Variants in DARS1 observed in about 807,000 individuals in gnomAD.
DARS1 encodes the protein aspartate--tRNA ligase, cytoplasmic.
Under a neutral mutation model 68.8 loss-of-function variants are expected in DARS1, and 51 were observed. The observed-to-expected ratio is 0.74, with a 90% CI of 0.59 to 0.94. The LOEUF is 0.94. DARS1 is among the 40% of genes least tolerant of loss of function. The probability of loss-of-function intolerance (pLI) is 0.00; values close to 1 mark genes in which losing one functional copy is unlikely to be tolerated. For synonymous variants in DARS1, 203 were observed against 190.4 expected (o/e 1.07, Z -0.55); for missense variants, 607 against 597.3 (o/e 1.02, Z -0.17).
At chr2:135,936,076 T>C (rs1324743159) in intron 5 of DARS1, among the ~76,000 whole-genome samples, 1 of 152,194 alleles carries the variant, frequency 6.6e-6, no homozygotes, top group Non-Finnish European at 1.5e-5. Context: ...TCCTCTTTAC[T>C]AGACCATGAG....
chr2:135,955,673 C>CTTTTTTTT lies in DARS1; in HGVS notation c.320+5715_320+5722dup, dbSNP rs75123258. On this transcript the variant is annotated intron_variant, in intron 4 of 15. Transcript: ENST00000264161. Reference sequence around the variant, plus strand: ...ACCACCACCTTTTGAAAATAAAAATCTTTTTTTTTTTTTTTTTTTTTTTTT... The same window carrying CTTTTTTTT: ...ACCACCACCTTTTGAAAATAAAAATCTTTTTTTTTTTTTTTTTTTTTTTTTTTTTTTTT... 1.6e-4 allele frequency among the ~76,000 whole-genome samples: 10 copies of CTTTTTTTT among 61,334 alleles called. 1 individual carries two copies. Among genetic ancestry groups the CTTTTTTTT allele is most frequent in the East Asian group, 8.7e-4 (1 of 1,150 alleles). The allele number at this position is 61,334 out of a possible 152,430, so 40.2% of individuals were successfully genotyped here.
intron 3 of DARS1, among the ~76,000 whole-genome samples, chr2:135,978,137 T>G (rs1167429794): frequency 1.0e-5 from 1 of 97,734 alleles, no homozygotes; most frequent in Non-Finnish European, 1.9e-5. Flanking sequence ...AGCAAGACTC[T>G]GTCTCAAAAA....
intron 4 of DARS1, among the ~76,000 whole-genome samples, chr2:135,961,138 G>A (rs1341326034): frequency 6.6e-6 from 1 of 152,148 alleles, no homozygotes; most frequent in Non-Finnish European, 1.5e-5. Context: ...CAGGCTTTTT[G>A]TTACTCTACT....
At chr2:135,944,021 T>C (rs1435991976) in intron 4 of DARS1, among the ~76,000 whole-genome samples, 1 of 152,142 alleles carries the variant, frequency 6.6e-6, no homozygotes, top group African/African-American at 2.4e-5. Context: ...GATTATTGGA[T>C]TGTGTACTCC....
At chr2:135,953,280 C>A (rs772443073) in intron 4 of DARS1, among the ~76,000 whole-genome samples, 4 of 152,174 alleles carry the variant, frequency 2.6e-5, no homozygotes, top group African/African-American at 4.8e-5. Context: ...TCTAACAAAG[C>A]GCCTGCAATT....
chr2:135,974,239 C>G lies in DARS1; in HGVS notation c.217+5035G>C, dbSNP rs117859527. On this transcript the variant is annotated intron_variant, in intron 3 of 15. Coordinates refer to ENST00000264161, the MANE Select transcript of DARS1 (RefSeq NM_001349.4). ...TGGATGACGCAAATACTCTGCCACT[C>G]TGCACATGTACAGGTCTGGCATGAC... Among the ~76,000 whole-genome samples, 42 of 152,314 alleles carry G rather than the reference C, an allele frequency of 2.8e-4. 3 individuals carry two copies. In the East Asian group the frequency reaches 7.9e-3, roughly 29 times the overall value.
At chr2:135,948,265 G>A (rs1342024358) in intron 4 of DARS1, among the ~76,000 whole-genome samples, 4 of 152,168 alleles carry the variant, frequency 2.6e-5, no homozygotes, top group Admixed American at 6.5e-5. Context: ...TAATGGCCTT[G>A]CCTACATTCA....
intron 3 of DARS1, among the ~76,000 whole-genome samples, chr2:135,973,757 C>G (rs1226908944): frequency 6.6e-6 from 1 of 152,064 alleles, no homozygotes; most frequent in Admixed American, 6.6e-5. Flanking sequence ...GTAGTCCCAG[C>G]TACTCAGGAG....
At chr2:135,918,363 A>G (rs368430045) in intron 10 of DARS1, among the ~76,000 whole-genome samples, 6 of 152,158 alleles carry the variant, frequency 3.9e-5, no homozygotes, top group East Asian at 3.8e-4. Context: ...ATTTGGATAT[A>G]TATACAATAC....
intron 3 of DARS1, among the ~76,000 whole-genome samples, chr2:135,972,816 T>A (rs79494100): frequency 6.6e-6 from 1 of 152,172 alleles, no homozygotes; most frequent in African/African-American, 2.4e-5. Context: ...AAAAGGCATA[T>A]GAAAAAGTGC....
chr2:135,962,115 T>TTA (rs1682116052), intron 3 of DARS1, among the ~76,000 whole-genome samples: 1 of 152,228 alleles, frequency 6.6e-6, no homozygotes, highest in African/African-American at 2.4e-5. Flanking sequence ...CATTTTTTTT[T>TTA]ACTCCAAATA....
intron 15 of DARS1, among the ~76,000 whole-genome samples, chr2:135,909,888 A>G (rs1320640140): frequency 1.3e-5 from 2 of 152,156 alleles, no homozygotes; most frequent in Non-Finnish European, 2.9e-5. Flanking sequence ...AAACATAAAC[A>G]AAAAAACCAA....
At chr2:135,967,351 T>C (rs1451212664) in intron 3 of DARS1, among the ~76,000 whole-genome samples, 1 of 152,206 alleles carries the variant, frequency 6.6e-6, no homozygotes, top group Non-Finnish European at 1.5e-5. Flanking sequence ...AGTAAGTTTT[T>C]AGGAAGAATA....
At chr2:135,935,052 G>A (rs1422820425) in intron 5 of DARS1, among the ~76,000 whole-genome samples, 1 of 151,882 alleles carries the variant, frequency 6.6e-6, no homozygotes, top group Admixed American at 6.6e-5. Context: ...GCCTCCCAAA[G>A]TTCTGGGATT....
rs1173361442 is a variant in DARS1 at position 135,985,517 on chromosome 2, G to A, written c.-49C>T. The stretch of plus-strand genomic sequence containing the variant: ...ACACCACCCTCCCTCGCAGGCTTCC[G>A]TAAGGCAGGCCAAAGGGGCTTCTCC... On this transcript the variant is annotated 5_prime_UTR_variant, in exon 1 of 16. It adds an upstream start codon to the 5' untranslated region. Coordinates refer to ENST00000264161, the MANE Select transcript of DARS1 (RefSeq NM_001349.4). 1.2e-6 allele frequency: 2 copies of A among 1,613,598 alleles called. No individual in the cohort carries two copies. The highest frequency in any genetic ancestry group is 1.7e-6 in the Non-Finnish European group (2 of 1,179,806).
chr2:135,943,352 C>T (rs1219549177), intron 5 of DARS1, 26 bp downstream of exon 5: 37 of 1,599,842 alleles, frequency 2.3e-5, no homozygotes, highest in African/African-American at 2.7e-5. Context: ...TTTCTATATG[C>T]GATTTTATAT....
intron 1 of DARS1, 79 bp from the exon 2 acceptor site, chr2:135,983,533 A>G (rs1038680504): frequency 1.7e-6 from 1 of 598,332 alleles, no homozygotes; most frequent in African/African-American, 1.9e-5. Context: ...CTAATAATAG[A>G]ATATAAAAAT....
intron 5 of DARS1, among the ~76,000 whole-genome samples, chr2:135,937,870 T>G (rs1162868388): frequency 6.6e-6 from 1 of 152,260 alleles, no homozygotes; most frequent in Admixed American, 6.5e-5. Flanking sequence ...GCTGTTAGTC[T>G]GATGGGCTTC....
intron 15 of DARS1, among the ~76,000 whole-genome samples, chr2:135,909,362 TGA>T (rs1317759053): frequency 6.6e-6 from 1 of 152,226 alleles, no homozygotes; most frequent in Non-Finnish European, 1.5e-5. Context: ...CCAGCTTTAT[TGA>T]GTTATAATTG....
Sources: gnomAD v4.1 joint callset for allele counts (sites outside exome capture counted in the v4.1 genomes callset) on GRCh38, gnomAD v4.1.1 for gene constraint, MANE v1.5 for transcripts, NCBI Gene and HGNC (gene_info 2026-07-23, HGNC 2026-07-21) for gene names.